Variants in ZNF516 observed in about 807,000 individuals in gnomAD.
The protein encoded by ZNF516 is zinc finger protein 516.
Under a neutral mutation model 79.7 loss-of-function variants are expected in ZNF516, and 19 were observed. That is an observed-to-expected ratio of 0.24 (90% CI 0.17 to 0.35). The LOEUF is 0.35. Among genes scored for constraint, ZNF516 ranks in the 10% least tolerant of loss-of-function variants. The pLI, the probability that ZNF516 is intolerant of heterozygous loss-of-function variation, is 1.00. For synonymous variants in ZNF516, 877 were observed against 739.5 expected (o/e 1.19, Z -3.02); for missense variants, 1,678 against 1,679.5 (o/e 1.00, Z 0.02).
intron 1 of ZNF516, among the ~76,000 whole-genome samples, chr18:76,488,570 G>A (rs1169403702): frequency 6.6e-6 from 1 of 152,032 alleles, no homozygotes; most frequent in African/African-American, 2.4e-5. Flanking sequence ...ATTTTTGAAA[G>A]AACTAATTGA....
intron 2 of ZNF516, among the ~76,000 whole-genome samples, chr18:76,457,309 T>C (rs937796586): frequency 1.3e-5 from 2 of 152,258 alleles, no homozygotes; most frequent in Admixed American, 1.3e-4. Flanking sequence ...AGCAGAGCCA[T>C]ATTTGTTTTC....
At chr18:76,424,576 C>CAT (rs1180663672) in intron 3 of ZNF516, among the ~76,000 whole-genome samples, 10 of 108,366 alleles carry the variant, frequency 9.2e-5, no homozygotes, top group East Asian at 3.1e-4. Flanking sequence ...AAGGTTCCCC[C>CAT]GAAACACACG....
Position 76,362,432 on chromosome 18 carries a change from C to T in ZNF516, c.*66G>A. 1 of 1,531,266 alleles carries T rather than the reference C, an allele frequency of 6.5e-7. No homozygotes were observed. Among genetic ancestry groups the T allele is most frequent in the South Asian group, 1.2e-5 (1 of 86,184 alleles). 94.9% of individuals were successfully genotyped at this position (1,531,266 alleles called of 1,614,324 possible). A position where few individuals can be genotyped will look rare whatever the true frequency, so the allele number is the denominator to read the frequency against. On this transcript the variant is annotated 3_prime_UTR_variant, in exon 7 of 7. Coordinates refer to ENST00000443185, the MANE Select transcript of ZNF516 (RefSeq NM_014643.4). The stretch of plus-strand genomic sequence containing the variant: ...CGGCCAGGTCACAGGTGGGAGGCTG[C>T]TGGGACATCGTGAGGGTACTGCTAA...
intron 1 of ZNF516, among the ~76,000 whole-genome samples, chr18:76,468,875 A>G (rs1037029326): frequency 3.3e-5 from 5 of 152,074 alleles, no homozygotes; most frequent in African/African-American, 1.2e-4. Flanking sequence ...TTAGTCCTCA[A>G]AGAGTGTTTG....
intron 3 of ZNF516, among the ~76,000 whole-genome samples, chr18:76,385,336 G>A (rs1452503192): frequency 6.6e-6 from 1 of 152,248 alleles, no homozygotes; most frequent in African/African-American, 2.4e-5. Context: ...GGGGCCCAGG[G>A]AGTGGCAGAC....
chr18:76,494,417 G>A (rs933960385), intron 1 of ZNF516, among the ~76,000 whole-genome samples: 2 of 145,544 alleles, frequency 1.4e-5, no homozygotes, highest in African/African-American at 2.6e-5. Flanking sequence ...AGGAGTCCCT[G>A]CCCACCCCTC....
intron 3 of ZNF516, among the ~76,000 whole-genome samples, chr18:76,425,298 A>C (rs922506309): frequency 6.6e-5 from 10 of 152,252 alleles, no homozygotes; most frequent in African/African-American, 2.4e-4. Context: ...ATTCTTCAAC[A>C]GTGCAAGCAC....
intron 1 of ZNF516, among the ~76,000 whole-genome samples, chr18:76,479,447 AG>A (rs201360136): frequency 0.011 from 1,678 of 152,326 alleles, 15 homozygotes; most frequent in Middle Eastern, 0.031. Context: ...TCCTTTGCAC[AG>A]GGTTCCAGCT....
chr18:76,414,593 T>C (rs2034485775), intron 3 of ZNF516, among the ~76,000 whole-genome samples: 1 of 152,264 alleles, frequency 6.6e-6, no homozygotes, highest in South Asian at 2.1e-4. Context: ...TCAGGTTTTC[T>C]TTAACTTTCT....
At chr18:76,404,374 T>G (rs1208495425) in intron 3 of ZNF516, among the ~76,000 whole-genome samples, 1 of 152,106 alleles carries the variant, frequency 6.6e-6, no homozygotes, top group Non-Finnish European at 1.5e-5. Context: ...TGTGCATGTG[T>G]GTGAACGGCA....
At chr18:76,479,844 T>G (rs781196078) in intron 1 of ZNF516, among the ~76,000 whole-genome samples, 1 of 152,198 alleles carries the variant, frequency 6.6e-6, no homozygotes, top group African/African-American at 2.4e-5. Flanking sequence ...CCCTGACACT[T>G]CACCACTGTG....
chr18:76,444,190 G>A (rs909945754), intron 2 of ZNF516, among the ~76,000 whole-genome samples: 2 of 152,230 alleles, frequency 1.3e-5, no homozygotes, highest in African/African-American at 4.8e-5. Context: ...CAGTTAGAAA[G>A]GATGTGAGAG....
At chr18:76,460,728 C>T (rs1913047005) in intron 2 of ZNF516, among the ~76,000 whole-genome samples, 1 of 152,178 alleles carries the variant, frequency 6.6e-6, no homozygotes, top group Admixed American at 6.5e-5. Flanking sequence ...CAAGTCATGT[C>T]AGAGCACACC....
intron 3 of ZNF516, chr18:76,389,224 C>T (rs2075034675): frequency 6.6e-6 from 1 of 150,640 alleles, no homozygotes; most frequent in African/African-American, 2.5e-5. Flanking sequence ...AACAACTGGT[C>T]AAGGCCAGAA....
At position 76,442,350 on chromosome 18, in the gene ZNF516, G is replaced by T; in HGVS notation, c.705C>A (p.Cys235Ter). 6.2e-7 allele frequency: 1 copy of T among 1,609,738 alleles called. No homozygotes were observed. ...TCAGCTCGGGCTTGCCGTTCTCCAC[G>T]CAGGCCTCGCCGCTGCCGGGCCCCT... ...TAQGPGSGEA[C>*]VENGKPELSP... The change falls in exon 3 of 7, where the codon TGC (cysteine) becomes TGA (stop). Residue 235 changes from cysteine (C) to a stop codon, truncating the protein, a stop_gained. Coordinates refer to ENST00000443185, the MANE Select transcript of ZNF516 (RefSeq NM_014643.4). LOFTEE classifies it high-confidence loss of function.
chr18:76,412,933 C>T (rs762080964), intron 3 of ZNF516, among the ~76,000 whole-genome samples: 4 of 152,320 alleles, frequency 2.6e-5, no homozygotes, highest in Non-Finnish European at 4.4e-5. Flanking sequence ...ATAACCTACC[C>T]GGAACCTACC....
At chr18:76,475,774 A>T (rs1470828964) in intron 1 of ZNF516, among the ~76,000 whole-genome samples, 2 of 152,230 alleles carry the variant, frequency 1.3e-5, no homozygotes, top group Non-Finnish European at 2.9e-5. Context: ...CATGCCTTAA[A>T]GCAAATACAC....
chr18:76,389,116 G>C (rs1027130630), intron 3 of ZNF516: 1 of 152,172 alleles, frequency 6.6e-6, no homozygotes, highest in East Asian at 1.9e-4. Flanking sequence ...GATGTTACTC[G>C]GTGAGCACTG....
In ZNF516 at chr18:76,463,065, G is replaced by A. The variant is rs1374707660; in HGVS notation, c.-195C>T. On this transcript the variant is annotated 5_prime_UTR_variant, in exon 2 of 7. Transcript: ENST00000443185. ...GGGAATGTGGAAATGCAATGACAAC[G>A]CTCCCAGTTGGATGCTGGTACTCTC... 6.6e-6 allele frequency: 1 copy of A among 152,220 alleles called. No homozygotes were observed. The highest frequency in any genetic ancestry group is 1.9e-4 in the East Asian group (1 of 5,198). The allele number at this position is 152,220 out of a possible 1,614,324, so 9.4% of individuals were successfully genotyped here.
Sources: gnomAD v4.1 joint callset for allele counts (sites outside exome capture counted in the v4.1 genomes callset) on GRCh38, gnomAD v4.1.1 for gene constraint, MANE v1.5 for transcripts, NCBI Gene and HGNC (gene_info 2026-07-23, HGNC 2026-07-21) for gene names.